The following AK7 variants were observed in gnomAD, a reference collection of about 807,000 sequenced individuals.
AK7 encodes adenylate kinase 7, also known as ATP-AMP transphosphorylase 7.
In AK7, 78 loss-of-function variants were observed where a neutral mutation model predicts 96.6. The observed-to-expected ratio is 0.81, with a 90% CI of 0.67 to 0.97. The LOEUF (loss-of-function observed/expected upper bound fraction) is 0.97. Among genes scored for constraint, AK7 ranks in the 50% least tolerant of loss-of-function variants. The pLI, the probability that AK7 is intolerant of heterozygous loss-of-function variation, is 0.00. For synonymous variants in AK7, 302 were observed against 317.2 expected (o/e 0.95, Z 0.51); for missense variants, 855 against 887.9 (o/e 0.96, Z 0.47).
chr14:96,481,128 C>T (rs1242093594), intron 15 of AK7, among the ~76,000 whole-genome samples: 1 of 152,118 alleles, frequency 6.6e-6, no homozygotes, highest in African/African-American at 2.4e-5. Flanking sequence ...TCACTGTGTC[C>T]AATCCCACAT....
chr14:96,428,627 G>A (rs1892168674), intron 5 of AK7, among the ~76,000 whole-genome samples: 1 of 152,154 alleles, frequency 6.6e-6, no homozygotes. Flanking sequence ...CAGCACCGTT[G>A]TTTCCTGACT....
intron 15 of AK7, among the ~76,000 whole-genome samples, chr14:96,479,265 G>C (rs1895377179): frequency 6.6e-6 from 1 of 151,944 alleles, no homozygotes; most frequent in African/African-American, 2.4e-5. Flanking sequence ...TTTTAGTAGA[G>C]ACGGGGTTTC....
At chr14:96,412,480 C>T (rs375356088) in intron 4 of AK7, among the ~76,000 whole-genome samples, 7 of 150,434 alleles carry the variant, frequency 4.7e-5, no homozygotes, top group Admixed American at 2.0e-4. Flanking sequence ...CACCCGCCTC[C>T]GCCTCCCAAA....
chr14:96,431,854 G>C (rs1022252241), intron 5 of AK7, among the ~76,000 whole-genome samples: 6 of 152,272 alleles, frequency 3.9e-5, no homozygotes, highest in South Asian at 2.1e-4. Context: ...TATTGACAGT[G>C]GGGTGTTAAA....
At position 96,448,810 on chromosome 14, in the gene AK7, G is replaced by A. The variant is rs543521164; in HGVS notation, c.871-992G>A. Among the ~76,000 whole-genome samples, 11 of 152,070 alleles carry A rather than the reference G, an allele frequency of 7.2e-5. No individual in the cohort carries two copies. The East Asian group carries it at 2.1e-3, about 29-fold the overall frequency. ...TTCTCTACTAAAAATACAAAAATTA[G>A]CCAGGCGTGGTGATGCACGCCTATA... On this transcript the variant is annotated intron_variant, in intron 8 of 17. Transcript: ENST00000267584.
At chr14:96,394,227 C>T (rs567909761) in intron 1 of AK7, among the ~76,000 whole-genome samples, 15 of 152,190 alleles carry the variant, frequency 9.9e-5, no homozygotes, top group African/African-American at 3.6e-4. Context: ...ATAGGGTTGG[C>T]GGTTTTTGTA....
intron 4 of AK7, among the ~76,000 whole-genome samples, chr14:96,410,823 C>T (rs1163627425): frequency 2.0e-5 from 3 of 151,850 alleles, no homozygotes; most frequent in African/African-American, 7.3e-5. Flanking sequence ...GGTAACAGGG[C>T]GAAACCACGT....
At chr14:96,405,322 A>G (rs1043058417) in intron 3 of AK7, among the ~76,000 whole-genome samples, 8 of 152,116 alleles carry the variant, frequency 5.3e-5, no homozygotes, top group African/African-American at 1.9e-4. Flanking sequence ...AGCTGGCACT[A>G]CAGGCTTGTG....
chr14:96,450,924 G>A (rs1423039226), intron 9 of AK7, among the ~76,000 whole-genome samples: 1 of 151,862 alleles, frequency 6.6e-6, no homozygotes, highest in African/African-American at 2.4e-5. Context: ...ACGGGCGCCT[G>A]CCACCACGCC....
chr14:96,420,438 T>C lies in AK7; in HGVS notation c.499-384T>C, dbSNP rs576515366. On this transcript the variant is annotated intron_variant, in intron 4 of 17. Transcript: ENST00000267584. ...TGAACCTGGGAGGTGGAGGTTGCAG[T>C]GAGCCAGGATTGTGCCACTGTACTC... is the stretch of plus-strand genomic sequence containing the variant. Among the ~76,000 whole-genome samples, 16 of 152,046 alleles carry C rather than the reference T, an allele frequency of 1.1e-4. No individual in the cohort carries two copies. In the East Asian group the frequency reaches 2.8e-3, roughly 26 times the overall value.
rs188070043 is a variant in AK7, at chr14:96,416,473, T to C, written c.499-4349T>C. 1.8e-4 allele frequency among the ~76,000 whole-genome samples: 28 copies of C among 152,194 alleles called. No individual in the cohort carries two copies. The East Asian group carries it at 3.5e-3, about 19-fold the overall frequency. ...TGGCCTGATAAAGGGCAGGGGAGAT[T>C]ACTCTGTAGACTATGTTCTTTACCT... is the stretch of plus-strand genomic sequence containing the variant. On this transcript the variant is annotated intron_variant, in intron 4 of 17. Coordinates refer to ENST00000267584, the MANE Select transcript of AK7 (RefSeq NM_152327.5).
chr14:96,477,128 A>T (rs1895230196), intron 14 of AK7, among the ~76,000 whole-genome samples: 1 of 152,242 alleles, frequency 6.6e-6, no homozygotes, highest in Non-Finnish European at 1.5e-5. Context: ...AAAAATAGGA[A>T]CAACTTACTT....
chr14:96,421,034 C>T (rs1275880406), intron 5 of AK7, 102 bp downstream of exon 5: 4 of 790,140 alleles, frequency 5.1e-6, no homozygotes, highest in East Asian at 5.7e-5. Context: ...GCTTTAGGCT[C>T]ACCCCAGGAT....
intron 4 of AK7, among the ~76,000 whole-genome samples, chr14:96,415,610 G>C (rs1178379175): frequency 6.6e-6 from 1 of 151,898 alleles, no homozygotes; most frequent in Non-Finnish European, 1.5e-5. Flanking sequence ...CCAGTGCGTA[G>C]GTCTTTTTGA....
chr14:96,400,004 T>C (rs1460127433), intron 2 of AK7, among the ~76,000 whole-genome samples: 2 of 151,838 alleles, frequency 1.3e-5, no homozygotes. Context: ...AAAATCATAT[T>C]TATTAGACCC....
intron 10 of AK7, 151 bp from the exon 11 acceptor site, chr14:96,456,196 C>A: frequency 1.3e-6 from 1 of 771,132 alleles, no homozygotes; most frequent in Non-Finnish European, 1.9e-6. Context: ...GAGATCATGC[C>A]ACTGCACTAC....
intron 3 of AK7, 139 bp from the exon 4 acceptor site, chr14:96,408,708 A>T: frequency 1.5e-6 from 1 of 675,874 alleles, no homozygotes; most frequent in Middle Eastern, 2.8e-4. Context: ...AAGAACGGTG[A>T]TGGGAACAGG....
At chr14:96,416,958 T>C (rs1891381850) in intron 4 of AK7, among the ~76,000 whole-genome samples, 1 of 152,222 alleles carries the variant, frequency 6.6e-6, no homozygotes, top group South Asian at 2.1e-4. Context: ...TTTCTCAAAA[T>C]GTCAGGGAAG....
At chr14:96,486,074 G>A (rs1032412306) in intron 16 of AK7, among the ~76,000 whole-genome samples, 1 of 152,150 alleles carries the variant, frequency 6.6e-6, no homozygotes, top group African/African-American at 2.4e-5. Context: ...GTGAGCCACC[G>A]CGCCCAGCCC....
Sources: gnomAD v4.1 joint callset for allele counts (sites outside exome capture counted in the v4.1 genomes callset) on GRCh38, gnomAD v4.1.1 for gene constraint, MANE v1.5 for transcripts, NCBI Gene and HGNC (gene_info 2026-07-23, HGNC 2026-07-21) for gene names.